Variants in SLC26A2 observed in about 807,000 individuals in gnomAD.
SLC26A2 encodes the protein solute carrier family 26 member 2.
A neutral mutation model predicts 41.1 loss-of-function variants in SLC26A2; 36 were observed. That is an observed-to-expected ratio of 0.88 (90% CI 0.67 to 1.16). The LOEUF is 1.16. SLC26A2 is among the 50% of genes most tolerant of loss of function. The pLI is 0.00. For missense variants in SLC26A2, 796 were observed against 869.6 expected, an observed-to-expected ratio of 0.92 and a Z score of 1.07; for synonymous variants, 291 against 311.6, an observed-to-expected ratio of 0.93 and a Z score of 0.70.
rs377432261 is a variant in SLC26A2, at chr5:149,980,524, T to C, written c.931T>C (p.Cys311Arg). Residue 311 changes from cysteine to arginine, a missense_variant, in exon 3 of 3, where the codon TGC (cysteine) becomes CGC (arginine). Coordinates refer to ENST00000286298, the MANE Select transcript of SLC26A2 (RefSeq NM_000112.4). ...NLCDLITSLL[C>R]LLVLLPTKEL... is the part of the protein sequence containing the mutation. ...CTGTGATCTTATCACCAGCCTTTTG[T>C]GCCTTTTGGTTCTTTTGCCAACCAA... The C allele has an allele frequency of 2.5e-6, 4 of 1,614,188 alleles. No individual in the cohort carries two copies. Among genetic ancestry groups the C allele is most frequent in the Non-Finnish European group, 2.5e-6 (3 of 1,180,008 alleles).
intron 1 of SLC26A2, among the ~76,000 whole-genome samples, chr5:149,965,568 A>AT (rs2113687221): frequency 6.6e-6 from 1 of 151,712 alleles, no homozygotes; most frequent in Non-Finnish European, 1.5e-5. Flanking sequence ...TTTTATTAAA[A>AT]ATATATTTTT....
In SLC26A2 at chr5:149,980,364, C is replaced by A; in HGVS notation, c.771C>A (p.Val257=). 1 of 1,614,044 alleles carries A rather than the reference C, an allele frequency of 6.2e-7. No individual in the cohort carries two copies. The highest frequency in any genetic ancestry group is 8.5e-7 in the Non-Finnish European group (1 of 1,179,968). Residue 257 remains valine, a synonymous_variant, in exon 3 of 3, where the codon GTC becomes GTA. Transcript: ENST00000286298. The part of the protein sequence containing the change: ...YLSDALLSGF[V]TGASFTILTS... Reference sequence around the variant, plus strand: ...CAGATGCCTTGCTGAGTGGATTTGTCACTGGTGCCTCCTTCACTATTCTTA... The same window carrying A: ...CAGATGCCTTGCTGAGTGGATTTGTAACTGGTGCCTCCTTCACTATTCTTA...
rs570256137 is a variant in SLC26A2, at chr5:149,985,512, T to C, written c.*3699T>C. 6.6e-6 allele frequency: 1 copy of C among 152,312 alleles called. No homozygotes were observed. The highest frequency in any genetic ancestry group is 1.9e-4 in the East Asian group (1 of 5,190). 9.4% of individuals were successfully genotyped at this position (152,312 alleles called of 1,614,324 possible). A position where few individuals can be genotyped will look rare whatever the true frequency, so the allele number is the denominator to read the frequency against. ...GTACGTTTAAACAAAACAGCAGTTC[T>C]CTGCTGCAATATTCCCATTGACCAC... is the stretch of plus-strand genomic sequence containing the variant. On this transcript the variant is annotated 3_prime_UTR_variant, in exon 3 of 3. Transcript: ENST00000286298.
chr5:149,965,349 A>G (rs996098305), intron 1 of SLC26A2, among the ~76,000 whole-genome samples: 1 of 151,992 alleles, frequency 6.6e-6, no homozygotes, highest in East Asian at 1.9e-4. Flanking sequence ...GCATGGTGGC[A>G]GGCGCCTGTA....
rs767426216 is a variant in SLC26A2 at position 149,978,130 on chromosome 5, A to G, written c.478A>G (p.Ile160Val). ...IYFLLGTSRH[I>V]SVGIFGVLCL... ...TTTTCTCTTGGGTACCTCCCGTCAC[A>G]TCTCTGTGGGCATTTTTGGAGTACT... Residue 160 changes from isoleucine to valine, a missense_variant, in exon 2 of 3, where the codon ATC (isoleucine) becomes GTC (valine). By Grantham distance (29) the Ile-to-Val change is conservative (BLOSUM62 3). Transcript: ENST00000286298. The G allele has an allele frequency of 1.4e-5, 22 of 1,605,656 alleles. No homozygotes were observed. The highest frequency in any genetic ancestry group is 2.7e-5 in the African/African-American group (2 of 74,496).
At chr5:149,963,029 C>T (rs1037658762) in intron 1 of SLC26A2, among the ~76,000 whole-genome samples, 1 of 152,128 alleles carries the variant, frequency 6.6e-6, no homozygotes, top group Non-Finnish European at 1.5e-5. Flanking sequence ...GAGTGCAAGG[C>T]AGGGCTGGGC....
intron 1 of SLC26A2, among the ~76,000 whole-genome samples, chr5:149,968,399 T>C (rs746489266): frequency 6.6e-6 from 1 of 151,096 alleles, no homozygotes; most frequent in East Asian, 1.9e-4. Flanking sequence ...GTATCAGCTG[T>C]TTTTTTTTAA....
rs1305673397 is a variant in SLC26A2 at position 149,974,508 on chromosome 5, C to T, written c.-25-3120C>T. Among the ~76,000 whole-genome samples the T allele has an allele frequency of 4.6e-5, 7 of 151,640 alleles. No individual in the cohort carries two copies. The South Asian group carries it at 6.2e-4, about 13-fold the overall frequency. On this transcript the variant is annotated intron_variant, in intron 1 of 2. Transcript: ENST00000286298. ...CGCGATCTTGGCTCACTGCAGCCTC[C>T]GCCTCCCAGGTTCAAGCAATTCTCC... is the stretch of plus-strand genomic sequence containing the variant.
rs530575829 is a variant in SLC26A2 at position 149,980,187 on chromosome 5, C to G, written c.700-106C>G. ...TTGTGTTTATTCTAGCTCTGACATT[C>G]TGTGATGCTCTGATGATATGTCTCC... On this transcript the variant is annotated intron_variant, in intron 2 of 2. Coordinates refer to ENST00000286298, the MANE Select transcript of SLC26A2 (RefSeq NM_000112.4). 5 of 868,210 alleles carry G rather than the reference C, an allele frequency of 5.8e-6. No homozygotes were observed. In the East Asian group the frequency reaches 1.2e-4, roughly 21 times the overall value. The allele number at this position is 868,210 out of a possible 1,614,324, so 53.8% of individuals were successfully genotyped here. A position where few individuals can be genotyped will look rare whatever the true frequency, so the allele number is the denominator to read the frequency against.
At chr5:149,968,715 C>T (rs1442157585) in intron 1 of SLC26A2, among the ~76,000 whole-genome samples, 1 of 150,594 alleles carries the variant, frequency 6.6e-6, no homozygotes, top group Non-Finnish European at 1.5e-5. Flanking sequence ...CTACCGTGCC[C>T]GGCCTCAACT....
intron 1 of SLC26A2, among the ~76,000 whole-genome samples, chr5:149,965,899 A>G (rs1273629248): frequency 6.6e-6 from 1 of 152,026 alleles, no homozygotes; most frequent in Non-Finnish European, 1.5e-5. Context: ...CTGAACCTTT[A>G]TTTATTTATT....
chr5:149,973,061 G>A (rs931596229), intron 1 of SLC26A2, among the ~76,000 whole-genome samples: 18 of 152,154 alleles, frequency 1.2e-4, no homozygotes, highest in East Asian at 9.7e-4. Flanking sequence ...GCTCATGCCT[G>A]TAGTCCCAGC....
At chr5:149,963,171 G>A (rs1445948542) in intron 1 of SLC26A2, among the ~76,000 whole-genome samples, 4 of 151,860 alleles carry the variant, frequency 2.6e-5, no homozygotes, top group Non-Finnish European at 5.9e-5. Context: ...GTGCGGTGGC[G>A]CCATCTTGGC....
chr5:149,978,419 A>T, intron 2 of SLC26A2, 68 bp downstream of exon 2: 2 of 1,184,362 alleles, frequency 1.7e-6, no homozygotes, highest in Non-Finnish European at 2.5e-6. Flanking sequence ...TCATATCTCT[A>T]AGGGATCTGA....
At position 149,984,087 on chromosome 5, in the gene SLC26A2, C is replaced by T. The variant is rs1326075094; in HGVS notation, c.*2274C>T. On this transcript the variant is annotated 3_prime_UTR_variant, in exon 3 of 3. Coordinates refer to ENST00000286298, the MANE Select transcript of SLC26A2 (RefSeq NM_000112.4). ...GATAACAGGATTTGACCTTTACCAG[C>T]GATTTCTGTCCATATGTGGATGTAA... The T allele has an allele frequency of 2.6e-5, 4 of 152,168 alleles. No homozygotes were observed. Among genetic ancestry groups the T allele is most frequent in the Admixed American group, 1.3e-4 (2 of 15,280 alleles). The allele number at this position is 152,168 out of a possible 1,614,324, so 9.4% of individuals were successfully genotyped here.
chr5:149,977,431 T>G (rs2113695219), intron 1 of SLC26A2, among the ~76,000 whole-genome samples, 197 bp from the exon 2 acceptor site: 1 of 152,322 alleles, frequency 6.6e-6, no homozygotes, highest in South Asian at 2.1e-4. Flanking sequence ...TTGACTTGGC[T>G]GTTTAAGGTC....
intron 1 of SLC26A2, among the ~76,000 whole-genome samples, chr5:149,975,599 C>T (rs1430818603): frequency 6.6e-6 from 1 of 152,214 alleles, no homozygotes; most frequent in African/African-American, 2.4e-5. Context: ...TGGGTGTATC[C>T]ATCAACCTGA....
chr5:149,973,194 C>G (rs141985139), intron 1 of SLC26A2, among the ~76,000 whole-genome samples: 3 of 152,166 alleles, frequency 2.0e-5, no homozygotes, highest in African/African-American at 7.2e-5. Flanking sequence ...TTTAAAAAGA[C>G]TTTAAAATTC....
intron 1 of SLC26A2, among the ~76,000 whole-genome samples, chr5:149,976,500 G>A (rs1754994926): frequency 6.6e-6 from 1 of 152,146 alleles, no homozygotes; most frequent in South Asian, 2.1e-4. Context: ...GCAAAGAGGT[G>A]GATGGCCATT....
Sources: allele counts gnomAD v4.1 joint callset (sites outside exome capture counted in the v4.1 genomes callset), GRCh38; gene constraint gnomAD v4.1.1; transcripts MANE v1.5; gene names NCBI Gene and HGNC (gene_info 2026-07-23, HGNC 2026-07-21).